The following GPALPP1 variants were observed in gnomAD, a reference collection of about 807,000 sequenced individuals.
The protein encoded by GPALPP1 is GPALPP motifs-containing protein 1.
Under a neutral mutation model 38.9 loss-of-function variants are expected in GPALPP1, and 30 were observed. The ratio of observed to expected loss-of-function variants is 0.77; its 90% CI spans 0.58 to 1.05. GPALPP1 has a LOEUF of 1.05. Among genes scored for constraint, GPALPP1 ranks in the 50% least tolerant of loss-of-function variants. GPALPP1 has a pLI of 0.00. For missense variants in GPALPP1, 384 were observed against 408.8 expected, an observed-to-expected ratio of 0.94 and a Z score of 0.52; for synonymous variants, 120 against 139.2, an observed-to-expected ratio of 0.86 and a Z score of 0.97.
At chr13:44,999,003 C>G (rs1036697172) in intron 1 of GPALPP1, among the ~76,000 whole-genome samples, 2 of 152,082 alleles carry the variant, frequency 1.3e-5, no homozygotes, top group Non-Finnish European at 2.9e-5. Context: ...GGTCAGTAGG[C>G]AAAATCAAGA....
intron 7 of GPALPP1, among the ~76,000 whole-genome samples, chr13:45,026,421 AC>A (rs2138018078): frequency 6.6e-6 from 1 of 152,326 alleles, no homozygotes; most frequent in African/African-American, 2.4e-5. Context: ...GACCAGACTT[AC>A]TTTCTGATTC....
In GPALPP1 at chr13:45,024,262, CTGTGTGTGTGTGTGTG is replaced by C. The variant is rs34572145; in HGVS notation, c.805-3491_805-3476del. On this transcript the variant is annotated intron_variant, in intron 7 of 7. Coordinates refer to ENST00000379151, the MANE Select transcript of GPALPP1 (RefSeq NM_018559.5). Reference sequence around the variant, plus strand: ...TTTTTGCTTGGTATCCCCTAAAACTCTGTGTGTGTGTGTGTGTGTGTGTGTGTGTGTGTGTGTGTGT... The same window carrying C: ...TTTTTGCTTGGTATCCCCTAAAACTCTGTGTGTGTGTGTGTGTGTGTGTGT... 5.6e-3 allele frequency among the ~76,000 whole-genome samples: 135 copies of C among 24,256 alleles called. 3 individuals carry two copies. The highest frequency in any genetic ancestry group is 0.018 in the African/African-American group (125 of 6,864). The allele number at this position is 24,256 out of a possible 152,430, so 15.9% of individuals were successfully genotyped here.
chr13:45,008,603 A>C lies in GPALPP1; in HGVS notation c.324-192A>C, dbSNP rs538161248. On this transcript the variant is annotated intron_variant, in intron 3 of 7. Coordinates refer to ENST00000379151, the MANE Select transcript of GPALPP1 (RefSeq NM_018559.5). ...TATTGACTAACAAGTAGAAAAGTCA[A>C]ATGTGAAAATTAGGTTTTTAAAAGA... Among the ~76,000 whole-genome samples, 6 of 152,360 alleles carry C rather than the reference A, an allele frequency of 3.9e-5. No homozygotes were observed. In the South Asian group the frequency reaches 1.2e-3, roughly 32 times the overall value.
intron 1 of GPALPP1, among the ~76,000 whole-genome samples, chr13:44,993,209 G>T (rs1249210950): frequency 1.3e-5 from 2 of 152,154 alleles, no homozygotes; most frequent in Non-Finnish European, 2.9e-5. Context: ...TGGACCCTTG[G>T]GTTGCTATGT....
chr13:45,015,229 C>A, intron 5 of GPALPP1, 146 bp downstream of exon 5: 1 of 617,320 alleles, frequency 1.6e-6, no homozygotes, highest in Non-Finnish European at 2.6e-6. Context: ...CCCAGAAACT[C>A]TAAAAGAAAA....
At chr13:44,996,805 TTTTTC>T (rs1593383029) in intron 1 of GPALPP1, among the ~76,000 whole-genome samples, 1 of 146,788 alleles carries the variant, frequency 6.8e-6, no homozygotes, top group Non-Finnish European at 1.5e-5. Context: ...TTTTTTTTTT[TTTTTC>T]CAGTTTTTAA....
At chr13:44,989,881 C>G in intron 1 of GPALPP1, 139 bp downstream of exon 1, 1 of 631,884 alleles carries the variant, frequency 1.6e-6, no homozygotes. Context: ...GAACTTTTCT[C>G]TTCCCAAACA....
chr13:45,015,004 G>A lies in GPALPP1; in HGVS notation c.461G>A (p.Gly154Glu), dbSNP rs1874734510. 6 of 1,606,470 alleles carry A rather than the reference G, an allele frequency of 3.7e-6. No individual in the cohort carries two copies. Among genetic ancestry groups the A allele is most frequent in the Non-Finnish European group, 5.1e-6 (6 of 1,174,086 alleles). ...ATTATTGGACCAATGCCTGCAAAAGGACCAGTTAACTATAATGTAACGACA... is the reference window on the plus strand; with the variant it reads ...ATTATTGGACCAATGCCTGCAAAAGAACCAGTTAACTATAATGTAACGACA... ...EDIIGPMPAK[G>E]PVNYNVTTEF... The change falls in exon 5 of 8, where the codon GGA (glycine) becomes GAA (glutamate). Residue 154 changes from glycine (G) to glutamate (E), a missense_variant. Coordinates refer to ENST00000379151, the MANE Select transcript of GPALPP1 (RefSeq NM_018559.5).
intron 1 of GPALPP1, chr13:45,001,690 T>G (rs1282254203): frequency 6.6e-6 from 1 of 152,196 alleles, no homozygotes; most frequent in Non-Finnish European, 1.5e-5. Flanking sequence ...TTTTTTTTCT[T>G]TCTTTTTTTT....
intron 6 of GPALPP1, among the ~76,000 whole-genome samples, chr13:45,016,142 T>A (rs1314162777): frequency 6.6e-6 from 1 of 152,100 alleles, no homozygotes; most frequent in Admixed American, 6.6e-5. Context: ...ACCACTGTCA[T>A]TAATACAGTA....
At chr13:45,030,504 C>G (rs889317371), downstream of GPALPP1, 1 of 152,452 alleles carries the variant, frequency 6.6e-6, no homozygotes, top group African/African-American at 2.4e-5. Flanking sequence ...CTCAGTGTCC[C>G]AAGTAGCTGG....
chr13:45,025,875 G>A (rs1022035590), intron 7 of GPALPP1, among the ~76,000 whole-genome samples: 3 of 151,828 alleles, frequency 2.0e-5, no homozygotes, highest in East Asian at 1.9e-4. Flanking sequence ...GGGTTCAGGC[G>A]ATTCTCCTGC....
chr13:44,989,900 G>A, intron 1 of GPALPP1, 158 bp downstream of exon 1: 1 of 609,478 alleles, frequency 1.6e-6, no homozygotes, highest in African/African-American at 1.8e-5. Flanking sequence ...CAGTAGCAGG[G>A]GGGAGGAGGC....
intron 1 of GPALPP1, 37 bp from the exon 2 acceptor site, chr13:45,004,265 CAGT>C (rs1414525522): frequency 6.4e-7 from 1 of 1,562,236 alleles, no homozygotes; most frequent in East Asian, 2.3e-5. Flanking sequence ...TTCATTGAAA[CAGT>C]AGTGGCTAGT....
intron 1 of GPALPP1, among the ~76,000 whole-genome samples, chr13:44,991,847 C>T (rs1482161084): frequency 6.6e-6 from 1 of 152,188 alleles, no homozygotes; most frequent in East Asian, 1.9e-4. Context: ...TATCTTGGTA[C>T]TACATTACTT....
intron 6 of GPALPP1, among the ~76,000 whole-genome samples, chr13:45,019,851 A>C (rs950784519): frequency 1.5e-5 from 2 of 131,254 alleles, no homozygotes; most frequent in African/African-American, 5.8e-5. Flanking sequence ...GCAGTAACTG[A>C]TCTCTTATCA....
At chr13:45,013,994 C>A (rs188139727) in intron 4 of GPALPP1, among the ~76,000 whole-genome samples, 34 of 152,258 alleles carry the variant, frequency 2.2e-4, no homozygotes, top group Non-Finnish European at 3.5e-4. Flanking sequence ...TTTCTGTTTG[C>A]TTCTCCATCC....
At chr13:44,991,801 T>G (rs115062571) in intron 1 of GPALPP1, among the ~76,000 whole-genome samples, 272 of 152,338 alleles carry the variant, frequency 1.8e-3, no homozygotes, top group African/African-American at 6.2e-3. Context: ...CATCACAGAT[T>G]CGTTTTGCAT....
At chr13:44,993,607 G>T (rs1645091697) in intron 1 of GPALPP1, among the ~76,000 whole-genome samples, 1 of 151,762 alleles carries the variant, frequency 6.6e-6, no homozygotes, top group Admixed American at 6.6e-5. Context: ...ACTTGTACCT[G>T]GGAGGTAGAG....
Sources: allele counts gnomAD v4.1 joint callset (sites outside exome capture counted in the v4.1 genomes callset), GRCh38; gene constraint gnomAD v4.1.1; transcripts MANE v1.5; gene names NCBI Gene and HGNC (gene_info 2026-07-23, HGNC 2026-07-21).